The following ABCB7 variants were observed in gnomAD, a reference collection of about 807,000 sequenced individuals.
The protein encoded by ABCB7 is ATP binding cassette subfamily B member 7.
Under a neutral mutation model 54.4 loss-of-function variants are expected in ABCB7, and 7 were observed. That is an observed-to-expected ratio of 0.13 (90% confidence interval 0.07 to 0.24). The LOEUF is 0.24. Among genes scored for constraint, ABCB7 ranks in the 10% least tolerant of loss-of-function variants. ABCB7 has a pLI of 1.00. For synonymous variants in ABCB7, 218 were observed against 207.1 expected (o/e 1.05, Z -0.45); for missense variants, 356 against 570.4 (o/e 0.62, Z 3.83).
intron 4 of ABCB7, among the ~76,000 whole-genome samples, chrX:75,082,542 C>T (rs1217697193): frequency 9.0e-6 from 1 of 111,672 alleles, no homozygotes; most frequent in African/African-American, 3.3e-5. Flanking sequence ...AATATAATAA[C>T]CTATTTTTAA....
chrX:75,115,790 G>A (rs1040901732), intron 1 of ABCB7, among the ~76,000 whole-genome samples: 11 of 107,536 alleles, frequency 1.0e-4, no homozygotes, highest in African/African-American at 3.1e-4. Flanking sequence ...GTGTGTTGGG[G>A]GGGGGGGCAC....
At chrX:75,105,142 C>A (rs1385646073) in intron 3 of ABCB7, among the ~76,000 whole-genome samples, 1 of 110,879 alleles carries the variant, frequency 9.0e-6, no homozygotes, top group Non-Finnish European at 1.9e-5. Context: ...TGCTTTCAAC[C>A]ACTCCTATTC....
intron 4 of ABCB7, among the ~76,000 whole-genome samples, chrX:75,085,451 T>C (rs762697146): frequency 1.8e-5 from 2 of 111,075 alleles, no homozygotes; most frequent in Non-Finnish European, 3.8e-5. Flanking sequence ...CTGGAAAGGG[T>C]ATGACTATAA....
At chrX:75,129,560 C>G (rs1008775031) in intron 1 of ABCB7, among the ~76,000 whole-genome samples, 3 of 107,769 alleles carry the variant, frequency 2.8e-5, no homozygotes, top group Admixed American at 2.0e-4. Context: ...CAAACCTGCA[C>G]GTTCTGCACG....
chrX:75,112,613 A>C (rs747704667), intron 3 of ABCB7, among the ~76,000 whole-genome samples: 1 of 111,993 alleles, frequency 8.9e-6, no homozygotes, highest in Non-Finnish European at 1.9e-5. Context: ...TTATAAGGCT[A>C]AATTACATAA....
At chrX:75,064,525 T>G (rs1476571338) in intron 13 of ABCB7, among the ~76,000 whole-genome samples, 1 of 111,209 alleles carries the variant, frequency 9.0e-6, no homozygotes, top group Non-Finnish European at 1.9e-5. Context: ...AATTAAACAT[T>G]TAACAAGAAA....
intron 4 of ABCB7, among the ~76,000 whole-genome samples, chrX:75,087,175 T>C (rs1266969331): frequency 1.8e-5 from 2 of 111,964 alleles, no homozygotes; most frequent in Admixed American, 9.5e-5. Context: ...TGTACTCTGT[T>C]GCTCTAATAA....
At chrX:75,074,649 A>G (rs2081391549) in intron 6 of ABCB7, among the ~76,000 whole-genome samples, 1 of 112,328 alleles carries the variant, frequency 8.9e-6, no homozygotes, top group African/African-American at 3.2e-5. Context: ...ACATCATGGA[A>G]TACTATGCAG....
chrX:75,121,640 A>C (rs1190041115), intron 1 of ABCB7, among the ~76,000 whole-genome samples: 1 of 111,883 alleles, frequency 8.9e-6, no homozygotes, highest in Non-Finnish European at 1.9e-5. Context: ...ATCAGCTAGC[A>C]ACCCCACATC....
chrX:75,079,864 G>A (rs937707037), intron 4 of ABCB7, among the ~76,000 whole-genome samples: 12 of 111,336 alleles, frequency 1.1e-4, no homozygotes, highest in African/African-American at 3.3e-4. Flanking sequence ...ATTCACCCCC[G>A]TTCTACCTGC....
intron 9 of ABCB7, 24 bp from the exon 10 acceptor site, chrX:75,070,546 G>A (rs1602340756): frequency 8.4e-7 from 1 of 1,193,322 alleles, no homozygotes; most frequent in Non-Finnish European, 1.1e-6. Flanking sequence ...AGAAAAAAAG[G>A]GTATTTTAGA....
intron 1 of ABCB7, among the ~76,000 whole-genome samples, chrX:75,155,637 G>A (rs141396280): frequency 0.037 from 4,135 of 111,402 alleles, 98 homozygotes; most frequent in Non-Finnish European, 0.063. Flanking sequence ...GTCAGCAAGG[G>A]AGTTAACTGG....
intron 1 of ABCB7, among the ~76,000 whole-genome samples, chrX:75,135,345 C>A (rs776471638): frequency 1.3e-4 from 14 of 110,613 alleles, no homozygotes; most frequent in Non-Finnish European, 2.3e-4. Flanking sequence ...GCCTACCAAC[C>A]AGGAAAAGCC....
rs1261560672 is a variant in ABCB7 at position 75,156,126 on chromosome X, C to T, written c.147G>A (p.Leu49=). ...TCACCTGGTAGGCTCGAGCGGTTCC[C>T]AAGGCGCCGAGTTGATGTGGCCTCC... ...PQWRPHQLGA[L]GTARAYQIPE... Residue 49 remains leucine (L), a synonymous_variant, in exon 1 of 16, where the codon TTG becomes TTA. Transcript: ENST00000373394. The T allele has an allele frequency of 8.3e-7, 1 of 1,208,154 alleles. No homozygotes were observed. The highest frequency in any genetic ancestry group is 1.1e-6 in the Non-Finnish European group (1 of 894,540).
At chrX:75,057,599 TTC>T (rs1395965483) in intron 15 of ABCB7, among the ~76,000 whole-genome samples, 1 of 110,848 alleles carries the variant, frequency 9.0e-6, no homozygotes, top group Non-Finnish European at 1.9e-5. Context: ...AGTTCCTTTT[TTC>T]TCTGTTTTGG....
At chrX:75,109,486 GA>G (rs1008685383) in intron 3 of ABCB7, among the ~76,000 whole-genome samples, 58 of 105,869 alleles carry the variant, frequency 5.5e-4, no homozygotes, top group East Asian at 1.2e-3. Context: ...TGAAGAGTAA[GA>G]AAAAAAAAAT....
chrX:75,093,262 C>T (rs1330403209), intron 4 of ABCB7, among the ~76,000 whole-genome samples: 2 of 111,947 alleles, frequency 1.8e-5, no homozygotes, highest in East Asian at 2.8e-4. Flanking sequence ...AGGTAACACA[C>T]ACCCACACAA....
rs1431086639 is a variant in ABCB7, at chrX:75,051,171, A to T, written c.*2199T>A. On this transcript the variant is annotated 3_prime_UTR_variant, in exon 16 of 16. Transcript: ENST00000373394. ...AAAAAAAAAAACTAATCCACTTTTC[A>T]GTTGATTATGCATCTCAGTATTAAC... Among the ~76,000 whole-genome samples, 1 of 110,374 alleles carries T rather than the reference A, an allele frequency of 9.1e-6. No homozygotes were observed. The highest frequency in any genetic ancestry group is 3.3e-5 in the African/African-American group (1 of 30,310).
intron 1 of ABCB7, among the ~76,000 whole-genome samples, chrX:75,132,485 C>T (rs775628035): frequency 7.1e-5 from 8 of 112,825 alleles, no homozygotes; most frequent in Non-Finnish European, 1.5e-4. Context: ...ACCCTGTTGA[C>T]TCCAGCTGAA....
Sources: gnomAD v4.1 joint callset for allele counts (sites outside exome capture counted in the v4.1 genomes callset) on GRCh38, gnomAD v4.1.1 for gene constraint, MANE v1.5 for transcripts, NCBI Gene and HGNC (gene_info 2026-07-23, HGNC 2026-07-21) for gene names.